Variants in MS4A6E observed in about 807,000 individuals in gnomAD.
MS4A6E encodes the protein membrane-spanning 4-domains subfamily A member 6E.
MS4A6E carries 8 observed loss-of-function variants against 13.2 expected under a neutral mutation model. The ratio of observed to expected loss-of-function variants is 0.60; its 90% CI spans 0.35 to 1.09. The LOEUF is 1.09. MS4A6E is among the 50% of genes least tolerant of loss of function. The probability of loss-of-function intolerance (pLI) is 0.02; values close to 1 mark genes in which losing one functional copy is unlikely to be tolerated. For synonymous variants in MS4A6E, 72 were observed against 67.6 expected (o/e 1.06, Z -0.32); for missense variants, 177 against 171.1 (o/e 1.03, Z -0.19).
chr11:60,328,562 T>C (rs559823303), intron 1 of MS4A6E, among the ~76,000 whole-genome samples: 333 of 151,382 alleles, frequency 2.2e-3, no homozygotes, highest in African/African-American at 7.9e-3. Flanking sequence ...CACACACTCA[T>C]ATAATTCAGA....
chr11:60,338,463 A>G (rs945860503), intron 3 of MS4A6E: 15 of 155,302 alleles, frequency 9.7e-5, no homozygotes, highest in African/African-American at 3.1e-4. Flanking sequence ...ATAATGAATA[A>G]TACTAATCAG....
intron 4 of MS4A6E, among the ~76,000 whole-genome samples, chr11:60,346,738 A>G (rs1015321992): frequency 6.6e-6 from 1 of 152,144 alleles, no homozygotes. Flanking sequence ...TTCCCTTCCT[A>G]TTTGGAATGG....
rs2085213972 is a variant in MS4A6E, at chr11:60,339,967, G to A, written c.*9+3G>A. On this transcript the variant is annotated splice_donor_region_variant and intron_variant, in intron 4 of 4. Transcript: ENST00000684409. ...AACAGACTGTCTGACTTCCCTGGGT[G>A]AGTGTGCTGGCCAGCCTCGCTTAAT... 1 of 1,612,976 alleles carries A rather than the reference G, an allele frequency of 6.2e-7. No individual in the cohort carries two copies. The highest frequency in any genetic ancestry group is 1.1e-5 in the South Asian group (1 of 91,062).
At chr11:60,340,205 C>T (rs975630949) in intron 4 of MS4A6E, among the ~76,000 whole-genome samples, 3 of 152,164 alleles carry the variant, frequency 2.0e-5, no homozygotes, top group Non-Finnish European at 4.4e-5. Context: ...GTTCAATCTT[C>T]CCATTTTGTC....
chr11:60,330,892 G>GTC (rs1397135129), intron 1 of MS4A6E, among the ~76,000 whole-genome samples: 1 of 152,090 alleles, frequency 6.6e-6, no homozygotes, highest in Non-Finnish European at 1.5e-5. Context: ...CCGATTGCTT[G>GTC]TCTTTGTCAG....
downstream of MS4A6E, among the ~76,000 whole-genome samples, chr11:60,342,987 G>A (rs979545329): frequency 2.6e-5 from 4 of 152,134 alleles, no homozygotes; most frequent in Non-Finnish European, 5.9e-5. Flanking sequence ...GTGTTGGACA[G>A]TGACTCTTTC....
chr11:60,334,497 AAAAT>A (rs1273871128), intron 1 of MS4A6E, among the ~76,000 whole-genome samples: 1 of 152,210 alleles, frequency 6.6e-6, no homozygotes, highest in African/African-American at 2.4e-5. Context: ...TAATAGACAA[AAAAT>A]AAATGATTAG....
chr11:60,332,591 T>TA (rs1304186289), intron 1 of MS4A6E, among the ~76,000 whole-genome samples: 10 of 152,202 alleles, frequency 6.6e-5, no homozygotes, highest in African/African-American at 1.9e-4. Context: ...TATTTGATCT[T>TA]ATGTCAGTTT....
intron 4 of MS4A6E, among the ~76,000 whole-genome samples, chr11:60,348,384 C>T (rs1186413280): frequency 6.6e-6 from 1 of 152,144 alleles, no homozygotes; most frequent in Non-Finnish European, 1.5e-5. Context: ...TTCAGGGAGA[C>T]CTTCTGCTCC....
chr11:60,341,732 C>A (rs1403932925), downstream of MS4A6E, among the ~76,000 whole-genome samples: 1 of 152,188 alleles, frequency 6.6e-6, no homozygotes, highest in Non-Finnish European at 1.5e-5. Flanking sequence ...TCTCAGATAT[C>A]CTGATACTCA....
chr11:60,342,176 TGTGAGAGAGAGA>T (rs2085230453), downstream of MS4A6E, among the ~76,000 whole-genome samples: 1 of 37,792 alleles, frequency 2.6e-5, no homozygotes, highest in African/African-American at 9.8e-5. Flanking sequence ...TGTGTGTGTG[TGTGAGAGAGAGA>T]GAGAGAGAGA....
chr11:60,347,284 A>G lies in MS4A6E; in HGVS notation c.*162+6356A>G, dbSNP rs75092417. Among the ~76,000 whole-genome samples the G allele has an allele frequency of 1.0e-2, 1,520 of 152,254 alleles. 29 individuals carry two copies. The highest frequency in any genetic ancestry group is 0.034 in the African/African-American group (1,424 of 41,526). On this transcript the variant is annotated intron_variant and NMD_transcript_variant, in intron 4 of 4. Transcript: ENST00000532756. ...GCTAAAAGAGCTAGGTTGATTGTGCAATGCTTGCAAGTCTGGGTTATCTTG... is the reference window on the plus strand; with the variant it reads ...GCTAAAAGAGCTAGGTTGATTGTGCGATGCTTGCAAGTCTGGGTTATCTTG...
At chr11:60,333,888 A>C (rs949007866) in intron 1 of MS4A6E, among the ~76,000 whole-genome samples, 19 of 152,152 alleles carry the variant, frequency 1.2e-4, no homozygotes, top group African/African-American at 4.3e-4. Context: ...CTGCCACGGG[A>C]ACTTGGGAGC....
Position 60,337,801 on chromosome 11 carries a change from C to A in MS4A6E, c.208C>A (p.Leu70Ile). 1 of 1,614,178 alleles carries A rather than the reference C, an allele frequency of 6.2e-7. No homozygotes were observed. Among genetic ancestry groups the A allele is most frequent in the South Asian group, 1.1e-5 (1 of 91,078 alleles). Residue 70 changes from leucine (L) to isoleucine (I), a missense_variant, in exon 3 of 5, where the codon CTC becomes ATC. Transcript: ENST00000684409. ...SALSALVGFI[L>I]LSVNPAALNP... ...TCTGTCTGCCCTGGTGGGTTTCATT[C>A]TCCTGTCTGTCAACCCGGCTGCATT...
At chr11:60,339,547 T>C (rs1345765777) in intron 3 of MS4A6E, among the ~76,000 whole-genome samples, 1 of 152,204 alleles carries the variant, frequency 6.6e-6, no homozygotes, top group Non-Finnish European at 1.5e-5. Flanking sequence ...TCCTGGGAGC[T>C]ATTACGCCAC....
chr11:60,349,059 T>G (rs2085268082), intron 4 of MS4A6E, among the ~76,000 whole-genome samples: 1 of 152,206 alleles, frequency 6.6e-6, no homozygotes, highest in Non-Finnish European at 1.5e-5. Context: ...AAAGTTAGGA[T>G]AGCACAAAAA....
intron 1 of MS4A6E, among the ~76,000 whole-genome samples, chr11:60,331,276 T>C (rs2085154447): frequency 6.6e-6 from 1 of 152,036 alleles, no homozygotes; most frequent in Admixed American, 6.5e-5. Context: ...CTTATTACAA[T>C]TTCCTCCATT....
chr11:60,330,886 T>C (rs1749229947), intron 1 of MS4A6E, among the ~76,000 whole-genome samples: 1 of 152,342 alleles, frequency 6.6e-6, no homozygotes, highest in African/African-American at 2.4e-5. Flanking sequence ...ACTTTCCCGA[T>C]TGCTTGTCTT....
rs192973252 is a variant in MS4A6E at position 60,336,414 on chromosome 11, T to C, written c.148-1327T>C. ...TTTCAAACTTTTAGTAGGAAATATATGGGCCTCTTACTCCAGAGAACAATC... is the reference window on the plus strand; with the variant it reads ...TTTCAAACTTTTAGTAGGAAATATACGGGCCTCTTACTCCAGAGAACAATC... On this transcript the variant is annotated intron_variant, in intron 2 of 4. Coordinates refer to ENST00000684409, the MANE Select transcript of MS4A6E (RefSeq NM_139249.4). Among the ~76,000 whole-genome samples the C allele has an allele frequency of 2.3e-3, 344 of 152,274 alleles. 4 individuals carry two copies. The highest frequency in any genetic ancestry group is 8.1e-3 in the African/African-American group (336 of 41,552).
Sources: allele counts gnomAD v4.1 joint callset (sites outside exome capture counted in the v4.1 genomes callset), GRCh38; gene constraint gnomAD v4.1.1; transcripts MANE v1.5; gene names NCBI Gene and HGNC (gene_info 2026-07-23, HGNC 2026-07-21).